Variants in TMEFF2 observed in about 807,000 individuals in gnomAD.
TMEFF2 encodes tomoregulin-2.
TMEFF2 carries 28 observed loss-of-function variants against 53.8 expected under a neutral mutation model. The ratio of observed to expected loss-of-function variants is 0.52; its 90% CI spans 0.39 to 0.71. TMEFF2 has a LOEUF of 0.71. Ranked by LOEUF, TMEFF2 falls within the 30% of genes least tolerant of loss-of-function variation. TMEFF2 has a pLI of 0.00. For synonymous variants in TMEFF2, 162 were observed against 166.3 expected (o/e 0.97, Z 0.20); for missense variants, 353 against 455.2 (o/e 0.78, Z 2.04).
chr2:192,053,216 T>A (rs6736510), intron 5 of TMEFF2, among the ~76,000 whole-genome samples: 2,251 of 152,256 alleles, frequency 0.015, 47 homozygotes, highest in African/African-American at 0.051. Flanking sequence ...TTTCTCTTCT[T>A]CTTTTATTCT....
At position 191,950,111 on chromosome 2, in the gene TMEFF2, A is replaced by AAAAAACATCAAGACAATGTAT; in HGVS notation, c.*179_*199dup. 1 of 1,324,788 alleles carries AAAAAACATCAAGACAATGTAT rather than the reference A, an allele frequency of 7.5e-7. No individual in the cohort carries two copies. Among genetic ancestry groups the AAAAAACATCAAGACAATGTAT allele is most frequent in the Non-Finnish European group, 9.7e-7 (1 of 1,036,170 alleles). The allele number at this position is 1,324,788 out of a possible 1,614,324, so 82.1% of individuals were successfully genotyped here. ...TATAAATAGTTTATTTACATTACAG[A>AAAAAACATCAAGACAATGTAT]AAAAACATCAAGACAATGTATACTA... On this transcript the variant is annotated 3_prime_UTR_variant, in exon 10 of 10. Coordinates refer to ENST00000272771, the MANE Select transcript of TMEFF2 (RefSeq NM_016192.4).
At chr2:191,964,966 G>A (rs988170376) in intron 7 of TMEFF2, among the ~76,000 whole-genome samples, 1 of 152,054 alleles carries the variant, frequency 6.6e-6, no homozygotes, top group South Asian at 2.1e-4. Context: ...ATAGTCTACT[G>A]TGTAGGCTCC....
At chr2:192,018,835 G>C (rs1390262194) in intron 5 of TMEFF2, among the ~76,000 whole-genome samples, 2 of 151,824 alleles carry the variant, frequency 1.3e-5, no homozygotes, top group African/African-American at 2.4e-5. Context: ...TTTTTTTCAA[G>C]GTAGCAAAAT....
Position 191,950,235 on chromosome 2 carries a change from CTT to C in TMEFF2, c.*74_*75del. ...AAGGCAACATGTGTAGATCTCTTGT[CTT>C]ATTCTTTTGTCTATAATACTGTATT... is the stretch of plus-strand genomic sequence containing the variant. On this transcript the variant is annotated 3_prime_UTR_variant, in exon 10 of 10. Coordinates refer to ENST00000272771, the MANE Select transcript of TMEFF2 (RefSeq NM_016192.4). 2.9e-6 allele frequency: 4 copies of C among 1,360,496 alleles called. No homozygotes were observed. The highest frequency in any genetic ancestry group is 1.9e-4 in the Middle Eastern group (1 of 5,184). The allele number at this position is 1,360,496 out of a possible 1,614,324, so 84.3% of individuals were successfully genotyped here. A position where few individuals can be genotyped will look rare whatever the true frequency, so the allele number is the denominator to read the frequency against.
At chr2:192,120,202 C>G (rs2105965171) in intron 4 of TMEFF2, among the ~76,000 whole-genome samples, 1 of 152,238 alleles carries the variant, frequency 6.6e-6, no homozygotes, top group African/African-American at 2.4e-5. Flanking sequence ...GATTTACTAC[C>G]CAGACCACTA....
chr2:191,961,039 G>T lies in TMEFF2; in HGVS notation c.746-4661C>A, dbSNP rs1474108515. ...ACATTTACTAGAGAATATTATTTTT[G>T]ATACGCTAGGAGAAAGACGTAGAGA... On this transcript the variant is annotated intron_variant, in intron 7 of 9. Coordinates refer to ENST00000272771, the MANE Select transcript of TMEFF2 (RefSeq NM_016192.4). Among the ~76,000 whole-genome samples the T allele has an allele frequency of 2.6e-5, 4 of 152,122 alleles. No homozygotes were observed. The East Asian group carries it at 7.7e-4, about 29-fold the overall frequency.
rs10210518 is a variant in TMEFF2, at chr2:192,043,002, A to G, written c.536+14677T>C. On this transcript the variant is annotated intron_variant, in intron 5 of 9. Coordinates refer to ENST00000272771, the MANE Select transcript of TMEFF2 (RefSeq NM_016192.4). ...ACTTAAATGGGAATAGCAGTTACTG[A>G]CTTGGGAAATCTAAATGCAATTGGA... Among the ~76,000 whole-genome samples the G allele has an allele frequency of 6.2e-3, 951 of 152,246 alleles. 8 individuals carry two copies. Among genetic ancestry groups the G allele is most frequent in the African/African-American group, 0.022 (916 of 41,548 alleles).
At chr2:191,976,780 G>C (rs969453731) in intron 7 of TMEFF2, among the ~76,000 whole-genome samples, 1 of 152,186 alleles carries the variant, frequency 6.6e-6, no homozygotes, top group Non-Finnish European at 1.5e-5. Context: ...GGGGAGTGAA[G>C]ACCTCCATTT....
intron 4 of TMEFF2, among the ~76,000 whole-genome samples, chr2:192,151,129 C>A (rs13415196): frequency 0.14 from 21,373 of 151,770 alleles, 2,142 homozygotes; most frequent in African/African-American, 0.27. Flanking sequence ...TCTCTCTCAT[C>A]TGCTACCATG....
chr2:192,153,581 T>TTTAA (rs1208746845), intron 4 of TMEFF2, among the ~76,000 whole-genome samples: 1 of 151,860 alleles, frequency 6.6e-6, no homozygotes, highest in African/African-American at 2.4e-5. Context: ...CATGGGACAT[T>TTTAA]TTAATTAGAC....
rs557604058 is a variant in TMEFF2, at chr2:192,079,825, A to G, written c.440-22050T>C. Among the ~76,000 whole-genome samples the G allele has an allele frequency of 2.6e-5, 4 of 152,318 alleles. No homozygotes were observed. The South Asian group carries it at 8.3e-4, about 32-fold the overall frequency. ...CATGTGTATTGCTTGGTATTTATAT[A>G]TCGTGTTGTGTAAATACAGCCTAGG... On this transcript the variant is annotated intron_variant, in intron 4 of 9. Coordinates refer to ENST00000272771, the MANE Select transcript of TMEFF2 (RefSeq NM_016192.4).
At chr2:192,011,084 A>G (rs1057070725) in intron 5 of TMEFF2, among the ~76,000 whole-genome samples, 1 of 152,178 alleles carries the variant, frequency 6.6e-6, no homozygotes, top group Non-Finnish European at 1.5e-5. Context: ...ATTTTTCACT[A>G]AACTGTGTGA....
chr2:191,956,579 C>G (rs1264487376), intron 7 of TMEFF2, among the ~76,000 whole-genome samples: 2 of 152,104 alleles, frequency 1.3e-5, no homozygotes, highest in African/African-American at 4.8e-5. Context: ...GCAAAATTAC[C>G]CAGTGCTTTT....
chr2:192,025,277 G>A (rs903652917), intron 5 of TMEFF2, among the ~76,000 whole-genome samples: 1 of 152,102 alleles, frequency 6.6e-6, no homozygotes, highest in African/African-American at 2.4e-5. Flanking sequence ...TTATTGATCG[G>A]GGATGATGAA....
At chr2:192,170,628 A>G (rs1017469686) in intron 4 of TMEFF2, among the ~76,000 whole-genome samples, 1 of 152,074 alleles carries the variant, frequency 6.6e-6, no homozygotes, top group Non-Finnish European at 1.5e-5. Flanking sequence ...AGGAAATATT[A>G]TTTAATTTGG....
At chr2:191,951,828 GCTAT>G (rs1691893561) in intron 9 of TMEFF2, among the ~76,000 whole-genome samples, 1 of 152,162 alleles carries the variant, frequency 6.6e-6, no homozygotes, top group Non-Finnish European at 1.5e-5. Flanking sequence ...CAGTTTATGT[GCTAT>G]GCCTTCCCCT....
intron 5 of TMEFF2, among the ~76,000 whole-genome samples, chr2:192,002,279 A>T (rs1301961006): frequency 6.6e-6 from 1 of 152,146 alleles, no homozygotes; most frequent in Admixed American, 6.5e-5. Context: ...CTTGAGGTGA[A>T]AGTTTCCCTG....
chr2:192,133,286 G>C (rs956925337), intron 4 of TMEFF2, among the ~76,000 whole-genome samples: 1 of 151,862 alleles, frequency 6.6e-6, no homozygotes, highest in African/African-American at 2.4e-5. Flanking sequence ...TCCTCCTCTT[G>C]TATCCCCCCA....
At chr2:191,961,544 A>G (rs1400864331) in intron 7 of TMEFF2, among the ~76,000 whole-genome samples, 7 of 152,184 alleles carry the variant, frequency 4.6e-5, no homozygotes, top group African/African-American at 1.7e-4. Flanking sequence ...TCCAAAGCAA[A>G]ATGAAACTAC....
Sources: gnomAD v4.1 joint callset for allele counts (sites outside exome capture counted in the v4.1 genomes callset) on GRCh38, gnomAD v4.1.1 for gene constraint, MANE v1.5 for transcripts, NCBI Gene and HGNC (gene_info 2026-07-23, HGNC 2026-07-21) for gene names.